The following SCEL variants were observed in gnomAD, a reference collection of about 807,000 sequenced individuals.
The protein encoded by SCEL is sciellin.
SCEL carries 113 observed loss-of-function variants against 117.6 expected under a neutral mutation model. The ratio of observed to expected loss-of-function variants is 0.96; its 90% CI spans 0.83 to 1.12. The LOEUF (loss-of-function observed/expected upper bound fraction) is 1.12, where lower values mean the gene tolerates loss of function less well. Among genes scored for constraint, SCEL ranks in the 50% most tolerant of loss-of-function variants. The pLI is 0.00. For missense variants in SCEL, 785 were observed against 810.8 expected, an observed-to-expected ratio of 0.97 and a Z score of 0.39; for synonymous variants, 270 against 256.2, an observed-to-expected ratio of 1.05 and a Z score of -0.51.
intron 1 of SCEL, among the ~76,000 whole-genome samples, chr13:77,536,217 T>C (rs1370096416): frequency 6.6e-6 from 1 of 152,228 alleles, no homozygotes; most frequent in Non-Finnish European, 1.5e-5. Flanking sequence ...TCATAAATGA[T>C]GCTTTTAGTG....
At chr13:77,625,917 G>C (rs2089706913) in intron 27 of SCEL, among the ~76,000 whole-genome samples, 1 of 152,156 alleles carries the variant, frequency 6.6e-6, no homozygotes, top group Non-Finnish European at 1.5e-5. Flanking sequence ...AAATGTGAAA[G>C]TGGCCTCTCA....
Position 77,603,071 on chromosome 13 carries a change from T to A in SCEL, c.1038-5T>A, listed in dbSNP as rs981284485. 2.0e-6 allele frequency: 3 copies of A among 1,507,860 alleles called. No individual in the cohort carries two copies. Among genetic ancestry groups the A allele is most frequent in the South Asian group, 1.3e-5 (1 of 79,744 alleles). 93.4% of individuals were successfully genotyped at this position (1,507,860 alleles called of 1,614,324 possible). Reference sequence around the variant, plus strand: ...TGAAACTGATATAAACTTTTTTTTTTAAAGAAGTGAAGACCTTGATAATGC... The same window carrying A: ...TGAAACTGATATAAACTTTTTTTTTAAAAGAAGTGAAGACCTTGATAATGC... On this transcript the variant is annotated splice_region_variant and splice_polypyrimidine_tract_variant and intron_variant, in intron 17 of 32. Coordinates refer to ENST00000349847, the MANE Select transcript of SCEL (RefSeq NM_144777.3).
intron 24 of SCEL, 86 bp from the exon 25 acceptor site, chr13:77,617,513 C>A (rs1388906466): frequency 1.3e-6 from 1 of 771,628 alleles, no homozygotes; most frequent in East Asian, 2.5e-5. Flanking sequence ...ATGTCTCATA[C>A]TATTATCCTT....
chr13:77,566,888 A>T (rs1290250791), intron 5 of SCEL, among the ~76,000 whole-genome samples: 1 of 152,222 alleles, frequency 6.6e-6, no homozygotes, highest in African/African-American at 2.4e-5. Context: ...TCTTTAGTCT[A>T]GAGCTCAATC....
At chr13:77,558,544 T>C (rs755007858) in intron 3 of SCEL, among the ~76,000 whole-genome samples, 4 of 152,128 alleles carry the variant, frequency 2.6e-5, no homozygotes, top group Non-Finnish European at 4.4e-5. Flanking sequence ...CCGGGCGTGG[T>C]GGATCACTCC....
intron 5 of SCEL, among the ~76,000 whole-genome samples, chr13:77,566,311 T>C (rs1593955056): frequency 6.6e-6 from 1 of 152,132 alleles, no homozygotes; most frequent in African/African-American, 2.4e-5. Flanking sequence ...CATTTATTTA[T>C]CTATAAAATG....
Position 77,599,378 on chromosome 13 carries a change from A to G in SCEL, c.847A>G (p.Arg283Gly), listed in dbSNP as rs770823889. 2 of 1,612,314 alleles carry G rather than the reference A, an allele frequency of 1.2e-6. No homozygotes were observed. Among genetic ancestry groups the G allele is most frequent in the East Asian group, 2.2e-5 (1 of 44,846 alleles). Reference protein sequence around the residue: ...LFRANPKVEEREKRAKSLESL... With the variant: ...LFRANPKVEEGEKRAKSLESL... Reference sequence around the variant, plus strand: ...CAGAGCAAATCCAAAGGTAGAAGAAAGAGAGAAAAGGTAAGTGCATCTGTC... The same window carrying G: ...CAGAGCAAATCCAAAGGTAGAAGAAGGAGAGAAAAGGTAAGTGCATCTGTC... Residue 283 changes from arginine to glycine, a missense_variant, in exon 14 of 33, where the codon AGA (arginine) becomes GGA (glycine). Arg to Gly is a moderately radical substitution (Grantham distance 125, BLOSUM62 -2). Coordinates refer to ENST00000349847, the MANE Select transcript of SCEL (RefSeq NM_144777.3).
At chr13:77,554,316 C>T (rs1221383169) in intron 1 of SCEL, among the ~76,000 whole-genome samples, 8 of 152,214 alleles carry the variant, frequency 5.3e-5, no homozygotes, top group Admixed American at 2.6e-4. Context: ...GGCCTAACAG[C>T]GAAGGGCAAA....
chr13:77,594,463 G>T (rs2087106157), intron 12 of SCEL, among the ~76,000 whole-genome samples: 1 of 152,146 alleles, frequency 6.6e-6, no homozygotes, highest in African/African-American at 2.4e-5. Flanking sequence ...TCCAAGCCCT[G>T]CCCATTGTTC....
intron 1 of SCEL, among the ~76,000 whole-genome samples, chr13:77,546,141 T>C (rs1161231990): frequency 3.3e-5 from 5 of 152,198 alleles, no homozygotes; most frequent in Admixed American, 6.5e-5. Context: ...GTGTGTTCAT[T>C]GGGGAGTGAG....
In SCEL at chr13:77,600,809, T is replaced by G. The variant is rs183330850; in HGVS notation, c.917+1061T>G. On this transcript the variant is annotated intron_variant, in intron 15 of 32. Transcript: ENST00000349847. ...TTCCAGATTGGCTGTTTACTTTGTA[T>G]TTGGTTAGTCATGAAATTTGCCTTT... 2.7e-3 allele frequency among the ~76,000 whole-genome samples: 412 copies of G among 152,342 alleles called. 1 individual carries two copies. The highest frequency in any genetic ancestry group is 9.6e-3 in the African/African-American group (399 of 41,584).
chr13:77,604,939 C>T (rs989181046), intron 19 of SCEL, among the ~76,000 whole-genome samples: 6 of 151,492 alleles, frequency 4.0e-5, no homozygotes, highest in Middle Eastern at 3.2e-3. Context: ...GATCTACATG[C>T]GTGTGTGTGG....
intron 20 of SCEL, 148 bp from the exon 21 acceptor site, chr13:77,608,910 C>G (rs2088432251): frequency 1.6e-6 from 1 of 614,010 alleles, no homozygotes; most frequent in Admixed American, 3.8e-5. Context: ...AAATTTTAGT[C>G]TTTTAAATTA....
intron 30 of SCEL, 25 bp downstream of exon 30, chr13:77,637,219 A>T: frequency 1.5e-6 from 2 of 1,295,372 alleles, no homozygotes; most frequent in Non-Finnish European, 2.1e-6. Flanking sequence ...ATTTCCATAC[A>T]TAAAAAGTAC....
intron 1 of SCEL, among the ~76,000 whole-genome samples, chr13:77,553,543 G>A (rs972972396): frequency 6.6e-6 from 1 of 152,160 alleles, no homozygotes; most frequent in South Asian, 2.1e-4. Context: ...TGAGCTTTAA[G>A]TTTGCCTTTA....
chr13:77,572,125 C>T lies in SCEL; in HGVS notation c.481C>T (p.Gln161Ter), dbSNP rs1418027038. ...SATTPVKKKRQSWFPPPPPGY... is the reference protein window; with the variant it reads ...SATTPVKKKR ...TATTACCGTGTCATTTCTTAACAGG[C>T]AGTCCTGGTTTCCACCGCCCCCTCC... Residue 161 changes from glutamine to a stop codon, truncating the protein, a stop_gained and splice_region_variant, in exon 9 of 33, where the codon CAG (glutamine) becomes TAG (stop). Coordinates refer to ENST00000349847, the MANE Select transcript of SCEL (RefSeq NM_144777.3). LOFTEE classifies it high-confidence loss of function. 6.2e-7 allele frequency: 1 copy of T among 1,612,194 alleles called. No individual in the cohort carries two copies. Among genetic ancestry groups the T allele is most frequent in the South Asian group, 1.1e-5 (1 of 91,002 alleles).
chr13:77,608,469 G>A (rs2088396224), intron 20 of SCEL, among the ~76,000 whole-genome samples: 1 of 152,108 alleles, frequency 6.6e-6, no homozygotes, highest in East Asian at 1.9e-4. Flanking sequence ...GCATGGTGGA[G>A]TGCACCTATA....
rs1404970818 is a variant in SCEL at position 77,597,593 on chromosome 13, A to T, written c.797+4A>T. 1 of 1,428,580 alleles carries T rather than the reference A, an allele frequency of 7.0e-7. No individual in the cohort carries two copies. Among genetic ancestry groups the T allele is most frequent in the East Asian group, 2.4e-5 (1 of 41,446 alleles). 88.5% of individuals were successfully genotyped at this position (1,428,580 alleles called of 1,614,324 possible). On this transcript the variant is annotated splice_donor_region_variant and intron_variant, in intron 13 of 32. Coordinates refer to ENST00000349847, the MANE Select transcript of SCEL (RefSeq NM_144777.3). The stretch of plus-strand genomic sequence containing the variant: ...AAATGAACAAAAGCTTGAATAGGTA[A>T]GATTTTTAAATGTTTATCTTTTATT...
intron 20 of SCEL, among the ~76,000 whole-genome samples, chr13:77,608,760 C>T (rs980045780): frequency 6.6e-6 from 1 of 151,888 alleles, no homozygotes; most frequent in Admixed American, 6.6e-5. Flanking sequence ...CTTAGGGGAA[C>T]CAGGTGAGAA....
Sources: gnomAD v4.1 joint callset for allele counts (sites outside exome capture counted in the v4.1 genomes callset) on GRCh38, gnomAD v4.1.1 for gene constraint, MANE v1.5 for transcripts, NCBI Gene and HGNC (gene_info 2026-07-23, HGNC 2026-07-21) for gene names.